Variants in CTNNA2 observed in about 807,000 individuals in gnomAD.
CTNNA2 encodes catenin alpha 2, also known as catenin alpha-2.
CTNNA2 carries 42 observed loss-of-function variants against 101.0 expected under a neutral mutation model. The ratio of observed to expected loss-of-function variants is 0.42; its 90% CI spans 0.32 to 0.54. The LOEUF (loss-of-function observed/expected upper bound fraction) is 0.54. Ranked by LOEUF, CTNNA2 falls within the 20% of genes least tolerant of loss-of-function variation. CTNNA2 has a pLI of 0.14. For missense variants in CTNNA2, 871 were observed against 1,223.1 expected (o/e 0.71, Z 4.29); for synonymous variants, 450 against 456.4 (o/e 0.99, Z 0.18).
At chr2:80,221,052 T>G (rs1439589212) in intron 7 of CTNNA2, among the ~76,000 whole-genome samples, 2 of 152,074 alleles carry the variant, frequency 1.3e-5, no homozygotes, top group Non-Finnish European at 2.9e-5. Context: ...CGGGCTAATT[T>G]TGGTGTTTGT....
intron 3 of CTNNA2, among the ~76,000 whole-genome samples, chr2:79,853,369 C>T (rs972663705): frequency 1.7e-4 from 26 of 152,242 alleles, no homozygotes; most frequent in African/African-American, 6.0e-4. Flanking sequence ...ATGAAAAAGA[C>T]GAGTTAAATC....
chr2:79,330,278 G>A (rs1033495188), intron 3 of CTNNA2, among the ~76,000 whole-genome samples: 2 of 152,288 alleles, frequency 1.3e-5, no homozygotes, highest in African/African-American at 4.8e-5. Context: ...TACAATGTCA[G>A]CAGAACTAGG....
intron 7 of CTNNA2, among the ~76,000 whole-genome samples, chr2:80,297,967 G>A (rs186120072): frequency 2.6e-5 from 4 of 151,894 alleles, no homozygotes; most frequent in East Asian, 3.9e-4. Context: ...CTGCCTGCGC[G>A]TGTATGGGTG....
chr2:80,015,696 G>C (rs113166046), intron 7 of CTNNA2, among the ~76,000 whole-genome samples: 6 of 152,276 alleles, frequency 3.9e-5, no homozygotes, highest in African/African-American at 1.4e-4. Context: ...TAATCCACGT[G>C]CTGCCTAAAC....
At chr2:80,195,549 A>G (rs1706772537) in intron 7 of CTNNA2, among the ~76,000 whole-genome samples, 2 of 151,710 alleles carry the variant, frequency 1.3e-5, no homozygotes, top group African/African-American at 4.8e-5. Context: ...TTGACCCTTA[A>G]TGACTTCTAG....
At chr2:79,236,258 G>A (rs1190836223) in intron 2 of CTNNA2, among the ~76,000 whole-genome samples, 4 of 152,132 alleles carry the variant, frequency 2.6e-5, no homozygotes, top group African/African-American at 4.8e-5. Flanking sequence ...TCAGCCTCCT[G>A]TGTACCTAAG....
rs1022589075 is a variant in CTNNA2 at position 79,187,975 on chromosome 2, CTTAG to C, written c.-524+2548_-524+2551del. On this transcript the variant is annotated intron_variant, in intron 1 of 21. Transcript: ENST00000466387. ...TCAACTAGCCTCAGACTTAAAAGGA[CTTAG>C]TTAATCAAGATCATAAGCCCAGTTA... is the stretch of plus-strand genomic sequence containing the variant. Among the ~76,000 whole-genome samples, 6 of 152,000 alleles carry C rather than the reference CTTAG, an allele frequency of 3.9e-5. 1 individual carries two copies. The South Asian group carries it at 8.3e-4, about 21-fold the overall frequency.
intron 1 of CTNNA2, among the ~76,000 whole-genome samples, chr2:79,536,315 A>G (rs1673058419): frequency 6.6e-6 from 1 of 152,152 alleles, no homozygotes; most frequent in South Asian, 2.1e-4. Flanking sequence ...TGCAAGCTGT[A>G]TGGTTTGTCA....
chr2:79,915,476 A>C (rs1686136458), intron 7 of CTNNA2, among the ~76,000 whole-genome samples: 1 of 152,218 alleles, frequency 6.6e-6, no homozygotes, highest in Non-Finnish European at 1.5e-5. Flanking sequence ...ATAGCATTTT[A>C]TTATATGAAT....
chr2:79,611,893 A>G (rs1678299718), intron 1 of CTNNA2, among the ~76,000 whole-genome samples: 1 of 152,170 alleles, frequency 6.6e-6, no homozygotes, highest in Non-Finnish European at 1.5e-5. Flanking sequence ...TGAGTGGATC[A>G]ACCACCAGTA....
intron 7 of CTNNA2, among the ~76,000 whole-genome samples, chr2:80,340,991 A>G (rs907018853): frequency 9.2e-5 from 14 of 152,278 alleles, no homozygotes; most frequent in African/African-American, 3.1e-4. Flanking sequence ...CCAGTTTATT[A>G]TAAAGGAAAC....
At position 80,052,277 on chromosome 2, in the gene CTNNA2, T is replaced by C. The variant is rs145489755; in HGVS notation, c.1056+142480T>C. Among the ~76,000 whole-genome samples, 124 of 152,334 alleles carry C rather than the reference T, an allele frequency of 8.1e-4. 1 individual carries two copies. The East Asian group carries it at 0.021, about 26-fold the overall frequency. ...AGATACAGCTACATACATTTAGCCA[T>C]GTGTCCTTCTGTATATCTCAAGTAA... On this transcript the variant is annotated intron_variant, in intron 7 of 18. Transcript: ENST00000402739.
At chr2:79,841,309 A>G (rs1288883495) in intron 3 of CTNNA2, among the ~76,000 whole-genome samples, 2 of 152,226 alleles carry the variant, frequency 1.3e-5, no homozygotes, top group African/African-American at 4.8e-5. Context: ...AATTATTTGA[A>G]GAGCTTGTCC....
At chr2:79,382,879 G>T (rs1214464336) in intron 4 of CTNNA2, among the ~76,000 whole-genome samples, 2 of 152,166 alleles carry the variant, frequency 1.3e-5, no homozygotes, top group Non-Finnish European at 2.9e-5. Flanking sequence ...CTCCCAAAGT[G>T]CTGGGATTAC....
intron 13 of CTNNA2, among the ~76,000 whole-genome samples, chr2:80,578,177 T>TTC (rs1695228189): frequency 6.6e-6 from 1 of 152,164 alleles, no homozygotes; most frequent in Admixed American, 6.6e-5. Flanking sequence ...GGAGAGAATC[T>TTC]GGAGTCTGAA....
At chr2:79,714,323 A>G (rs1685933890) in intron 2 of CTNNA2, among the ~76,000 whole-genome samples, 2 of 149,064 alleles carry the variant, frequency 1.3e-5, no homozygotes, top group South Asian at 4.2e-4. Flanking sequence ...CACAACTTTA[A>G]AAAAAAAAAG....
At chr2:80,482,148 A>G (rs1306661554) in intron 9 of CTNNA2, among the ~76,000 whole-genome samples, 2 of 152,132 alleles carry the variant, frequency 1.3e-5, no homozygotes, top group Non-Finnish European at 2.9e-5. Context: ...TAAAGGCAAC[A>G]GACTTTGATT....
At chr2:79,917,447 G>GAA (rs763570238) in intron 7 of CTNNA2, among the ~76,000 whole-genome samples, 1 of 152,108 alleles carries the variant, frequency 6.6e-6, no homozygotes. Context: ...TCTCTGAGGT[G>GAA]AAAAACTATC....
chr2:80,080,948 TAAAAAAAAAA>T (rs79785271), intron 7 of CTNNA2, among the ~76,000 whole-genome samples: 1,032 of 87,582 alleles, frequency 0.012, 13 homozygotes, highest in Middle Eastern at 0.03. Context: ...TTCTCCCACT[TAAAAAAAAAA>T]AAAAAAAAAA....
Sources: gnomAD v4.1 joint callset for allele counts (sites outside exome capture counted in the v4.1 genomes callset) on GRCh38, gnomAD v4.1.1 for gene constraint, MANE v1.5 for transcripts, NCBI Gene and HGNC (gene_info 2026-07-23, HGNC 2026-07-21) for gene names.